Variants in AKAP19 observed in about 807,000 individuals in gnomAD.
The protein encoded by AKAP19 is small A-kinase anchoring protein.
At chr2:190,015,208 G>A in the AKAP19 span, among the ~76,000 whole-genome samples, 20,441 of 152,172 alleles carry the variant, frequency 0.13, 1,538 homozygotes, top group Middle Eastern at 0.24. Flanking sequence ...GAGGTTCTCC[G>A]TGAAGTTTCC....
chr2:190,182,634 A>G, the AKAP19 span, among the ~76,000 whole-genome samples: 1 of 152,218 alleles, frequency 6.6e-6, no homozygotes, highest in African/African-American at 2.4e-5. Context: ...TCTCTGTGCT[A>G]AAGATCCTTA....
At chr2:189,939,912 G>A in the AKAP19 span, among the ~76,000 whole-genome samples, 70 of 152,200 alleles carry the variant, frequency 4.6e-4, no homozygotes, top group Non-Finnish European at 8.7e-4. Context: ...TTGGGAGGCC[G>A]AGGCAGGTGG....
the AKAP19 span, among the ~76,000 whole-genome samples, chr2:190,176,010 A>G: frequency 2.0e-5 from 3 of 152,202 alleles, no homozygotes; most frequent in Non-Finnish European, 2.9e-5. The surrounding 1 kb of genome is among the most constrained non-coding windows in gnomAD (Gnocchi z 4.7). Context: ...AAAACCTACC[A>G]AACCTGCTTG....
chr2:189,979,910 C>CA, the AKAP19 span, among the ~76,000 whole-genome samples: 1 of 151,878 alleles, frequency 6.6e-6, no homozygotes, highest in African/African-American at 2.4e-5. Flanking sequence ...ATTAAAAAGG[C>CA]AAAAAATAAC....
At chr2:190,183,360 C>CA in the AKAP19 span, among the ~76,000 whole-genome samples, 1 of 152,142 alleles carries the variant, frequency 6.6e-6, no homozygotes, top group East Asian at 1.9e-4. Flanking sequence ...GTCCATAGAG[C>CA]AGTCTTCTCC....
the AKAP19 span, among the ~76,000 whole-genome samples, chr2:189,961,443 A>C: frequency 6.6e-6 from 1 of 152,182 alleles, no homozygotes; most frequent in Non-Finnish European, 1.5e-5. Context: ...TACCATACAG[A>C]GAACAGTTTT....
chr2:190,167,947 T>C, the AKAP19 span, among the ~76,000 whole-genome samples: 9 of 152,272 alleles, frequency 5.9e-5, no homozygotes, highest in East Asian at 1.2e-3. Context: ...GTGGCCCTCT[T>C]CTCACGGCTC....
At chr2:190,197,938 C>T in the AKAP19 span, among the ~76,000 whole-genome samples, 1 of 152,100 alleles carries the variant, frequency 6.6e-6, no homozygotes. This position sits in a 1 kb window ranked among gnomAD's most constrained non-coding sequence, Gnocchi z 4.0. Context: ...TCAGGTTAAC[C>T]ATGTCCAATT....
the AKAP19 span, among the ~76,000 whole-genome samples, chr2:189,960,797 C>T: frequency 6.6e-6 from 1 of 152,110 alleles, no homozygotes; most frequent in East Asian, 1.9e-4. Flanking sequence ...CCTGACCCCA[C>T]CTTTGTGTAC....
At chr2:190,152,858 C>G in the AKAP19 span, among the ~76,000 whole-genome samples, 6 of 149,902 alleles carry the variant, frequency 4.0e-5, no homozygotes, top group Admixed American at 2.7e-4. Flanking sequence ...AATACTTTGT[C>G]ACTTGTTATT....
At chr2:190,132,493 T>G in the AKAP19 span, among the ~76,000 whole-genome samples, 1 of 152,186 alleles carries the variant, frequency 6.6e-6, no homozygotes, top group Non-Finnish European at 1.5e-5. Context: ...TTACAGTTAA[T>G]TTATTTTTGG....
the AKAP19 span, among the ~76,000 whole-genome samples, chr2:189,957,110 G>T: frequency 1.5e-3 from 234 of 152,272 alleles, no homozygotes; most frequent in African/African-American, 5.5e-3. Context: ...AGGAGGTAGA[G>T]GTTGCAGTGA....
chr2:189,880,008 C>G, the AKAP19 span, among the ~76,000 whole-genome samples: 1 of 152,164 alleles, frequency 6.6e-6, no homozygotes, highest in Non-Finnish European at 1.5e-5. Context: ...AGATATTTAA[C>G]TTATCGAAAA....
chr2:190,106,754 A>G, the AKAP19 span, among the ~76,000 whole-genome samples: 1 of 152,140 alleles, frequency 6.6e-6, no homozygotes, highest in Admixed American at 6.6e-5. Flanking sequence ...CAGTGACTAT[A>G]TTATTTGTCT....
chr2:189,971,269 T>C, the AKAP19 span, among the ~76,000 whole-genome samples: 1 of 152,188 alleles, frequency 6.6e-6, no homozygotes, highest in African/African-American at 2.4e-5. Flanking sequence ...TTGCTGAGAA[T>C]GATGGTTTCC....
the AKAP19 span, among the ~76,000 whole-genome samples, chr2:189,903,679 G>A: frequency 6.6e-6 from 1 of 151,920 alleles, no homozygotes; most frequent in Non-Finnish European, 1.5e-5. Flanking sequence ...GGGTATATGT[G>A]CATGTTTGTT....
the AKAP19 span, among the ~76,000 whole-genome samples, chr2:190,101,491 A>G: frequency 9.5e-3 from 1,440 of 152,122 alleles, 16 homozygotes; most frequent in Non-Finnish European, 0.015. Flanking sequence ...TGCCTGGACC[A>G]GCAGCCTGAG....
the AKAP19 span, among the ~76,000 whole-genome samples, chr2:190,002,798 G>A: frequency 6.6e-6 from 1 of 152,210 alleles, no homozygotes; most frequent in Admixed American, 6.5e-5. Flanking sequence ...TGCAGGTTTT[G>A]TGGTCACTTA....
At chr2:189,979,419 A>G in the AKAP19 span, among the ~76,000 whole-genome samples, 1 of 152,224 alleles carries the variant, frequency 6.6e-6, no homozygotes, top group Non-Finnish European at 1.5e-5. Flanking sequence ...ATCATATACA[A>G]TAATTAACTC....
Sources: allele counts gnomAD v4.1 joint callset (sites outside exome capture counted in the v4.1 genomes callset), GRCh38; gene constraint gnomAD v4.1.1; non-coding constraint Gnocchi (gnomAD v3.1); transcripts MANE v1.5; gene names NCBI Gene and HGNC (gene_info 2026-07-23, HGNC 2026-07-21).